CDH13: variants seen among roughly 807,000 people sequenced by gnomAD.
CDH13 encodes the protein cadherin 13, also known as cadherin-13.
In CDH13, 24 loss-of-function variants were observed where a neutral mutation model predicts 63.8. The observed-to-expected ratio is 0.38, with a 90% confidence interval of 0.27 to 0.53. The LOEUF (loss-of-function observed/expected upper bound fraction) is 0.53, where lower values mean the gene tolerates loss of function less well. Among genes scored for constraint, CDH13 ranks in the 20% least tolerant of loss-of-function variants. CDH13 has a pLI of 0.85. For synonymous variants in CDH13, 503 were observed against 355.3 expected, an observed-to-expected ratio of 1.42 and a Z score of -4.67; for missense variants, 1,049 against 903.1, an observed-to-expected ratio of 1.16 and a Z score of -2.07.
At position 82,648,865 on chromosome 16, in the gene CDH13, G is replaced by A. The variant is rs370175960; in HGVS notation, c.45+21728G>A. 4.6e-5 allele frequency among the ~76,000 whole-genome samples: 7 copies of A among 152,178 alleles called. No individual in the cohort carries two copies. In the East Asian group the frequency reaches 7.7e-4, roughly 17 times the overall value. On this transcript the variant is annotated intron_variant, in intron 1 of 13. Coordinates refer to ENST00000567109, the MANE Select transcript of CDH13 (RefSeq NM_001257.5). Reference sequence around the variant, plus strand: ...GTATTTCAGAAAAATTAATCTGGGGGCAGTGTGGAAGATGGATTGAATCAG... The same window carrying A: ...GTATTTCAGAAAAATTAATCTGGGGACAGTGTGGAAGATGGATTGAATCAG...
chr16:82,879,578 ATAT>A (rs909505113), intron 2 of CDH13, among the ~76,000 whole-genome samples: 4 of 141,708 alleles, frequency 2.8e-5, no homozygotes, highest in Admixed American at 2.2e-4. Context: ...TTTATATACA[ATAT>A]TATATATTAT....
intron 11 of CDH13, among the ~76,000 whole-genome samples, chr16:83,759,107 G>C (rs1054179804): frequency 2.6e-5 from 4 of 152,176 alleles, no homozygotes; most frequent in African/African-American, 7.2e-5. Context: ...TGAAGAATAA[G>C]TTGTAGAACT....
intron 5 of CDH13, among the ~76,000 whole-genome samples, chr16:83,319,636 C>G (rs557404084): frequency 6.6e-6 from 1 of 152,178 alleles, no homozygotes; most frequent in African/African-American, 2.4e-5. Flanking sequence ...CTAAACAAAA[C>G]TAGTGATAAA....
intron 2 of CDH13, among the ~76,000 whole-genome samples, chr16:82,961,318 C>T (rs1476918405): frequency 6.6e-6 from 1 of 152,150 alleles, no homozygotes; most frequent in Non-Finnish European, 1.5e-5. Context: ...CAGAGGCCAT[C>T]CTTGGAAAAG....
intron 7 of CDH13, among the ~76,000 whole-genome samples, chr16:83,588,177 AAGG>A (rs2057800433): frequency 1.3e-5 from 2 of 152,248 alleles, no homozygotes; most frequent in South Asian, 4.1e-4. Flanking sequence ...CACCTCTCCA[AAGG>A]AGAAGGACCT....
At chr16:83,700,329 C>T (rs1319477098) in intron 10 of CDH13, among the ~76,000 whole-genome samples, 1 of 152,186 alleles carries the variant, frequency 6.6e-6, no homozygotes, top group Non-Finnish European at 1.5e-5. Flanking sequence ...GAAAGAACTT[C>T]AGATTCCCTT....
rs564615262 is a variant in CDH13 at position 83,136,685 on chromosome 16, G to A, written c.483+11184G>A. The stretch of plus-strand genomic sequence containing the variant: ...AGTACAATCTTGTTAGTGGACAGAC[G>A]ATCAAACACCAGGGATGTTCCGCAG... On this transcript the variant is annotated intron_variant, in intron 4 of 13. Transcript: ENST00000567109. Among the ~76,000 whole-genome samples, 8 of 152,124 alleles carry A rather than the reference G, an allele frequency of 5.3e-5. 1 individual carries two copies. The Middle Eastern group carries it at 0.01, about 194-fold the overall frequency.
Position 83,043,490 on chromosome 16 carries a change from AGTGTGTGT to A in CDH13, c.366+11303_366+11310del, listed in dbSNP as rs67312035. On this transcript the variant is annotated intron_variant, in intron 3 of 13. Coordinates refer to ENST00000567109, the MANE Select transcript of CDH13 (RefSeq NM_001257.5). ...AATTTATATAATAACTGTATATATGAGTGTGTGTGTGTGTGTGTGTGTGTGTGTGTGTG... is the reference window on the plus strand; with the variant it reads ...AATTTATATAATAACTGTATATATGAGTGTGTGTGTGTGTGTGTGTGTGTG... Among the ~76,000 whole-genome samples the A allele has an allele frequency of 4.0e-3, 525 of 132,202 alleles. 4 individuals are homozygous for A. Among genetic ancestry groups the A allele is most frequent in the East Asian group, 0.018 (85 of 4,832 alleles). 86.7% of individuals were successfully genotyped at this position (132,202 alleles called of 152,430 possible).
intron 2 of CDH13, among the ~76,000 whole-genome samples, chr16:82,911,345 C>G (rs561043488): frequency 2.0e-5 from 3 of 152,316 alleles, no homozygotes; most frequent in African/African-American, 7.2e-5. Flanking sequence ...TGATTTAGCA[C>G]TTCCTTTTCA....
intron 4 of CDH13, among the ~76,000 whole-genome samples, chr16:83,172,540 A>T (rs2037966066): frequency 6.6e-6 from 1 of 151,962 alleles, no homozygotes; most frequent in South Asian, 2.1e-4. Flanking sequence ...AATCAGGATG[A>T]TACATCTATA....
intron 1 of CDH13, among the ~76,000 whole-genome samples, chr16:82,787,841 A>AGTGTGTGTGTGTGTGTGTGTGTGT (rs10528183): frequency 0.35 from 50,553 of 146,350 alleles, 8,767 homozygotes; most frequent in African/African-American, 0.39. Flanking sequence ...GAAGGGAGGA[A>AGTGTGTGTGTGTGTGTGTGTGTGT]GTGTGTGTGT....
intron 3 of CDH13, among the ~76,000 whole-genome samples, chr16:83,056,115 C>G (rs951043847): frequency 6.6e-6 from 1 of 152,106 alleles, no homozygotes; most frequent in African/African-American, 2.4e-5. Flanking sequence ...TTTAGCATCA[C>G]TAGTCATCAA....
Position 83,762,389 on chromosome 16 carries a change from T to TA in CDH13, c.1681+14147dup, listed in dbSNP as rs1017071558. ...TGCCCTCTCTTAAGAAAGGATAAAATAAAAAAAACTGTTAAGGAAAAACCC... is the reference window on the plus strand; with the variant it reads ...TGCCCTCTCTTAAGAAAGGATAAAATAAAAAAAAACTGTTAAGGAAAAACCC... On this transcript the variant is annotated intron_variant, in intron 11 of 13. Coordinates refer to ENST00000567109, the MANE Select transcript of CDH13 (RefSeq NM_001257.5). Among the ~76,000 whole-genome samples, 465 of 82,526 alleles carry TA rather than the reference T, an allele frequency of 5.6e-3. 4 individuals are homozygous for TA. Among genetic ancestry groups the TA allele is most frequent in the African/African-American group, 0.015 (393 of 25,626 alleles). The allele number at this position is 82,526 out of a possible 152,430, so 54.1% of individuals were successfully genotyped here.
chr16:83,175,664 AAAAC>A (rs76748362), intron 4 of CDH13, among the ~76,000 whole-genome samples: 34,588 of 151,798 alleles, frequency 0.23, 4,265 homozygotes, highest in Non-Finnish European at 0.26. Context: ...CAGATAAGTT[AAAAC>A]AAACAAACAA....
intron 10 of CDH13, among the ~76,000 whole-genome samples, chr16:83,713,076 T>C (rs1365541091): frequency 2.6e-5 from 4 of 152,326 alleles, no homozygotes; most frequent in African/African-American, 9.6e-5. Flanking sequence ...TACTAATGTA[T>C]GGATTATAGT....
intron 2 of CDH13, among the ~76,000 whole-genome samples, chr16:82,946,952 A>AATCAAATTG (rs1010331652): frequency 3.2e-4 from 48 of 152,062 alleles, no homozygotes; most frequent in South Asian, 1.2e-3. Context: ...GGATACATAC[A>AATCAAATTG]ATCAAATTGT....
intron 6 of CDH13, among the ~76,000 whole-genome samples, chr16:83,367,897 T>C (rs986007744): frequency 2.0e-5 from 3 of 152,218 alleles, no homozygotes; most frequent in East Asian, 1.9e-4. Context: ...CTTAACAATA[T>C]TGAGTCTTCC....
chr16:83,488,048 G>C (rs1459544562), intron 7 of CDH13, among the ~76,000 whole-genome samples: 1 of 152,180 alleles, frequency 6.6e-6, no homozygotes, highest in Non-Finnish European at 1.5e-5. Context: ...TCTTGGTCTA[G>C]ACCTGAATTG....
At chr16:83,521,145 C>G (rs1471359169) in intron 7 of CDH13, among the ~76,000 whole-genome samples, 1 of 152,170 alleles carries the variant, frequency 6.6e-6, no homozygotes, top group Non-Finnish European at 1.5e-5. Flanking sequence ...AAATGGAAAA[C>G]CAGCACTTTG....
Sources: allele counts gnomAD v4.1 joint callset (sites outside exome capture counted in the v4.1 genomes callset), GRCh38; gene constraint gnomAD v4.1.1; transcripts MANE v1.5; gene names NCBI Gene and HGNC (gene_info 2026-07-23, HGNC 2026-07-21).